JARID2: variants seen among roughly 807,000 people sequenced by gnomAD.
JARID2 encodes the protein protein Jumonji.
Under a neutral mutation model 125.6 loss-of-function variants are expected in JARID2, and 21 were observed. That is an observed-to-expected ratio of 0.17 (90% confidence interval 0.12 to 0.24). JARID2 has a LOEUF of 0.24. JARID2 is among the 10% of genes least tolerant of loss of function. The pLI is 1.00. For missense variants in JARID2, 1,303 were observed against 1,639.6 expected (o/e 0.79, Z 3.55); for synonymous variants, 736 against 661.6 (o/e 1.11, Z -1.73).
At chr6:15,382,092 G>A (rs947875018) in intron 2 of JARID2, among the ~76,000 whole-genome samples, 2 of 152,054 alleles carry the variant, frequency 1.3e-5, no homozygotes, top group South Asian at 2.1e-4. Context: ...GTGAAACCCC[G>A]TCTCCACTAA....
chr6:15,414,797 A>G (rs1373386889), intron 3 of JARID2, among the ~76,000 whole-genome samples: 1 of 151,918 alleles, frequency 6.6e-6, no homozygotes, highest in Non-Finnish European at 1.5e-5. Flanking sequence ...TACATAGTTT[A>G]TAACATATAT....
At chr6:15,251,263 G>A (rs1186513276) in intron 1 of JARID2, among the ~76,000 whole-genome samples, 1 of 152,124 alleles carries the variant, frequency 6.6e-6, no homozygotes, top group Non-Finnish European at 1.5e-5. Context: ...TGATCTGCCC[G>A]CCTTGGCCTC....
At chr6:15,346,241 A>G (rs1304688076) in intron 1 of JARID2, among the ~76,000 whole-genome samples, 1 of 152,198 alleles carries the variant, frequency 6.6e-6, no homozygotes, top group African/African-American at 2.4e-5. Context: ...TTAGGAGAGT[A>G]ATTCATTTTT....
intron 3 of JARID2, among the ~76,000 whole-genome samples, chr6:15,450,478 GT>G (rs1207343849): frequency 6.6e-6 from 1 of 152,094 alleles, no homozygotes; most frequent in African/African-American, 2.4e-5. Flanking sequence ...CACTTATTTA[GT>G]TTTATTAGTT....
intron 1 of JARID2, among the ~76,000 whole-genome samples, chr6:15,312,815 A>C (rs1192165054): frequency 6.6e-6 from 1 of 152,094 alleles, no homozygotes; most frequent in Non-Finnish European, 1.5e-5. Flanking sequence ...GTGGGCATTA[A>C]AGCAACCTTA....
intron 1 of JARID2, among the ~76,000 whole-genome samples, chr6:15,301,862 A>G (rs146203999): frequency 6.6e-6 from 1 of 152,364 alleles, no homozygotes; most frequent in African/African-American, 2.4e-5. Flanking sequence ...TAATAGGGAA[A>G]GAGAACTACT....
rs1333131122 is a variant in JARID2, at chr6:15,455,767, A to G, written c.493+3592A>G. Among the ~76,000 whole-genome samples the G allele has an allele frequency of 2.6e-5, 4 of 152,136 alleles. No homozygotes were observed. The South Asian group carries it at 8.3e-4, about 31-fold the overall frequency. ...GATCTCGAACTCCTGACCTCAGGTG[A>G]TCTGCCTGCCTCGGCCTCCCAAAGT... On this transcript the variant is annotated intron_variant, in intron 4 of 17. Coordinates refer to ENST00000341776, the MANE Select transcript of JARID2 (RefSeq NM_004973.4).
At chr6:15,464,902 G>T (rs957095662) in intron 4 of JARID2, among the ~76,000 whole-genome samples, 25 of 152,266 alleles carry the variant, frequency 1.6e-4, no homozygotes, top group African/African-American at 5.5e-4. Context: ...AGAAGAAATT[G>T]TGTTCTTTCT....
At chr6:15,343,180 G>A (rs1763126096) in intron 1 of JARID2, among the ~76,000 whole-genome samples, 1 of 142,520 alleles carries the variant, frequency 7.0e-6, no homozygotes, top group Admixed American at 7.4e-5. Context: ...AGTGAGCCGA[G>A]ATCGTGCCAT....
chr6:15,376,977 G>GTGTGTCTT (rs1764379900), intron 2 of JARID2, among the ~76,000 whole-genome samples: 1 of 152,184 alleles, frequency 6.6e-6, no homozygotes, highest in Non-Finnish European at 1.5e-5. Flanking sequence ...GGACGTGTCT[G>GTGTGTCTT]TGTGTCTTTG....
intron 1 of JARID2, among the ~76,000 whole-genome samples, chr6:15,249,973 C>T (rs1382535949): frequency 6.6e-6 from 1 of 152,162 alleles, no homozygotes; most frequent in Non-Finnish European, 1.5e-5. Flanking sequence ...TCCATCATTC[C>T]ACTGCCTGGT....
chr6:15,297,910 G>A (rs948559953), intron 1 of JARID2, among the ~76,000 whole-genome samples: 7 of 115,546 alleles, frequency 6.1e-5, no homozygotes, highest in Middle Eastern at 4.0e-3. Flanking sequence ...TTTAGGAAGT[G>A]GAAAAAGAAA....
In JARID2 at chr6:15,293,804, G is replaced by T. The variant is rs145870598; in HGVS notation, c.45+47220G>T. Among the ~76,000 whole-genome samples the T allele has an allele frequency of 2.6e-5, 4 of 152,308 alleles. No homozygotes were observed. In the East Asian group the frequency reaches 7.7e-4, roughly 29 times the overall value. On this transcript the variant is annotated intron_variant, in intron 1 of 17. Transcript: ENST00000341776. ...CTCTTTTGTTGTTCTGCTTAAGTGG[G>T]TATGTCATAGCATCTGGCCAACTCC...
intron 3 of JARID2, among the ~76,000 whole-genome samples, chr6:15,436,616 C>T (rs750673570): frequency 1.3e-5 from 2 of 152,098 alleles, no homozygotes; most frequent in Non-Finnish European, 2.9e-5. Flanking sequence ...AGGGGCCACG[C>T]CCTTCCTCTA....
intron 1 of JARID2, among the ~76,000 whole-genome samples, chr6:15,364,721 A>C (rs1581460291): frequency 6.6e-6 from 1 of 152,188 alleles, no homozygotes; most frequent in Admixed American, 6.5e-5. Context: ...ATGCACTATC[A>C]CGTAACACGC....
intron 6 of JARID2, among the ~76,000 whole-genome samples, chr6:15,491,137 A>G (rs1402192118): frequency 6.6e-6 from 1 of 152,274 alleles, no homozygotes; most frequent in South Asian, 2.1e-4. Flanking sequence ...AGAAGGAAAC[A>G]TAGAAAATCA....
intron 2 of JARID2, among the ~76,000 whole-genome samples, chr6:15,377,699 T>A (rs2127521699): frequency 6.6e-6 from 1 of 151,970 alleles, no homozygotes; most frequent in Admixed American, 6.6e-5. Flanking sequence ...GGTGGCACTT[T>A]TTTTTTTTAT....
intron 4 of JARID2, among the ~76,000 whole-genome samples, chr6:15,458,826 C>A (rs1022902513): frequency 6.6e-6 from 1 of 152,206 alleles, no homozygotes; most frequent in African/African-American, 2.4e-5. Flanking sequence ...GCAGAAGCAA[C>A]TGCCAAGGCA....
chr6:15,453,934 A>G (rs935330552), intron 4 of JARID2, among the ~76,000 whole-genome samples: 1 of 152,148 alleles, frequency 6.6e-6, no homozygotes, highest in South Asian at 2.1e-4. Context: ...GGCACTAGGG[A>G]TGCTGGGAAC....
Sources: gnomAD v4.1 joint callset for allele counts (sites outside exome capture counted in the v4.1 genomes callset) on GRCh38, gnomAD v4.1.1 for gene constraint, MANE v1.5 for transcripts, NCBI Gene and HGNC (gene_info 2026-07-23, HGNC 2026-07-21) for gene names.